GNG4: variants seen among roughly 807,000 people sequenced by gnomAD.
GNG4 encodes the protein guanine nucleotide-binding protein G(I)/G(S)/G(O) subunit gamma-4.
Under a neutral mutation model 5.8 loss-of-function variants are expected in GNG4, and 4 were observed. The ratio of observed to expected loss-of-function variants is 0.69; its 90% confidence interval spans 0.34 to 1.57. The LOEUF is 1.57. Among genes scored for constraint, GNG4 ranks in the 40% most tolerant of loss-of-function variants. The pLI, the probability that GNG4 is intolerant of heterozygous loss-of-function variation, is 0.06. For synonymous variants in GNG4, 29 were observed against 32.9 expected, an observed-to-expected ratio of 0.88 and a Z score of 0.41; for missense variants, 96 against 95.1, an observed-to-expected ratio of 1.01 and a Z score of -0.04.
At chr1:235,562,022 T>C (rs916571048) in intron 3 of GNG4, among the ~76,000 whole-genome samples, 5 of 152,242 alleles carry the variant, frequency 3.3e-5, no homozygotes, top group African/African-American at 1.2e-4. Context: ...ATTTTCTGCA[T>C]GTGGATGTTC....
intron 3 of GNG4, 90 bp from the exon 4 acceptor site, chr1:235,552,327 C>T (rs1367570464): frequency 2.5e-6 from 3 of 1,183,032 alleles, no homozygotes; most frequent in East Asian, 4.8e-5. Context: ...AGGGGACAAG[C>T]CCTAGGGTAG....
intron 1 of GNG4, among the ~76,000 whole-genome samples, chr1:235,613,322 C>A (rs1050092163): frequency 2.0e-5 from 3 of 152,166 alleles, no homozygotes; most frequent in African/African-American, 2.4e-5. Context: ...CAGGGTGAGG[C>A]AGGCAGAATA....
intron 3 of GNG4, among the ~76,000 whole-genome samples, chr1:235,570,603 G>A (rs1335257228): frequency 6.6e-6 from 1 of 151,526 alleles, no homozygotes; most frequent in Non-Finnish European, 1.5e-5. Flanking sequence ...CACTATGTTG[G>A]TCAGGCTGGT....
rs1277187145 is a variant in GNG4 at position 235,548,719 on chromosome 1, TAGGA to T, written c.*3386_*3389del. On this transcript the variant is annotated 3_prime_UTR_variant, in exon 4 of 4. Coordinates refer to ENST00000391854, the MANE Select transcript of GNG4 (RefSeq NM_001098722.2). The stretch of plus-strand genomic sequence containing the variant: ...TATCTAAGGCATGATGTCCCTGCTG[TAGGA>T]AGGGAGGGGAGATGCTGGACAGTTA... 1 of 152,164 alleles carries T rather than the reference TAGGA, an allele frequency of 6.6e-6. No homozygotes were observed. The highest frequency in any genetic ancestry group is 1.5e-5 in the Non-Finnish European group (1 of 68,092). The allele number at this position is 152,164 out of a possible 1,614,324, so 9.4% of individuals were successfully genotyped here.
At chr1:235,573,554 G>T (rs987929269) in intron 3 of GNG4, among the ~76,000 whole-genome samples, 10 of 152,038 alleles carry the variant, frequency 6.6e-5, no homozygotes, top group African/African-American at 2.4e-4. Context: ...GAGGTGGGCG[G>T]ATCACGAAGT....
At chr1:235,578,184 C>T (rs1687532970) in intron 3 of GNG4, among the ~76,000 whole-genome samples, 1 of 151,914 alleles carries the variant, frequency 6.6e-6, no homozygotes, top group Non-Finnish European at 1.5e-5. Flanking sequence ...AAAAAACAGA[C>T]ATCACTAGAT....
chr1:235,645,071 G>T (rs914187158), intron 1 of GNG4, among the ~76,000 whole-genome samples: 3 of 152,172 alleles, frequency 2.0e-5, no homozygotes, highest in African/African-American at 7.2e-5. Flanking sequence ...GGCTCAGCCT[G>T]CAAAGCCAGG....
intron 1 of GNG4, among the ~76,000 whole-genome samples, chr1:235,612,952 G>C (rs888176885): frequency 6.6e-6 from 1 of 152,140 alleles, no homozygotes; most frequent in South Asian, 2.1e-4. Context: ...ACCTCTCACT[G>C]TGTCCTCACA....
At chr1:235,554,570 G>A (rs1686841151) in intron 3 of GNG4, among the ~76,000 whole-genome samples, 1 of 152,128 alleles carries the variant, frequency 6.6e-6, no homozygotes, top group Non-Finnish European at 1.5e-5. Flanking sequence ...TCGGCTGGAC[G>A]CAGTGGCTCA....
At chr1:235,624,128 A>G (rs1571919194) in intron 1 of GNG4, among the ~76,000 whole-genome samples, 1 of 141,300 alleles carries the variant, frequency 7.1e-6, no homozygotes, top group Admixed American at 7.4e-5. Flanking sequence ...TTTGAGACGG[A>G]GTCTCGCTGT....
At position 235,642,811 on chromosome 1, in the gene GNG4, G is replaced by C. The variant is rs901032295; in HGVS notation, c.-123+6851C>G. ...ATCTCGCCCCTGTGGCTTCACCTGG[G>C]TCCAGCCAGACCTCTGCTCAGCTCT... On this transcript the variant is annotated intron_variant, in intron 1 of 3. Coordinates refer to ENST00000391854, the MANE Select transcript of GNG4 (RefSeq NM_001098722.2). The surrounding 1 kb of genome is among the most constrained non-coding windows in gnomAD (Gnocchi z 4.3). 6.6e-6 allele frequency among the ~76,000 whole-genome samples: 1 copy of C among 152,112 alleles called. No individual in the cohort carries two copies. The highest frequency in any genetic ancestry group is 1.5e-5 in the Non-Finnish European group (1 of 68,024).
intron 1 of GNG4, among the ~76,000 whole-genome samples, chr1:235,639,080 C>G (rs1166255937): frequency 1.3e-5 from 2 of 152,250 alleles, no homozygotes; most frequent in Non-Finnish European, 2.9e-5. Flanking sequence ...CCTTCTCTCT[C>G]AGATGCGCCT....
intron 1 of GNG4, among the ~76,000 whole-genome samples, chr1:235,617,176 C>A (rs1688608379): frequency 6.6e-6 from 1 of 152,182 alleles, no homozygotes; most frequent in Non-Finnish European, 1.5e-5. Context: ...GCATCCTGGA[C>A]CTCCGGCTGG....
At chr1:235,554,009 C>T (rs1033462873) in intron 3 of GNG4, among the ~76,000 whole-genome samples, 9 of 152,268 alleles carry the variant, frequency 5.9e-5, no homozygotes, top group South Asian at 2.1e-4. Context: ...GGTTACAGGA[C>T]GCCCATATAG....
chr1:235,568,549 G>C (rs1204047905), intron 3 of GNG4, among the ~76,000 whole-genome samples: 1 of 152,162 alleles, frequency 6.6e-6, no homozygotes, highest in African/African-American at 2.4e-5. Context: ...TTAAACTTCT[G>C]CATAATTGAG....
rs1382471762 is a variant in GNG4 at position 235,564,962 on chromosome 1, C to T, written c.100-12725G>A. Among the ~76,000 whole-genome samples, 4 of 152,298 alleles carry T rather than the reference C, an allele frequency of 2.6e-5. No individual in the cohort carries two copies. In the East Asian group the frequency reaches 5.8e-4, roughly 22 times the overall value. On this transcript the variant is annotated intron_variant, in intron 3 of 3. Transcript: ENST00000391854. The stretch of plus-strand genomic sequence containing the variant: ...CCTCCCAAAATGCTGGGATTACAGG[C>T]GTGAGCCACAGCGCCCAGCCAGTTA...
chr1:235,560,412 G>A (rs1041241108), intron 3 of GNG4, among the ~76,000 whole-genome samples: 4 of 152,018 alleles, frequency 2.6e-5, no homozygotes, highest in South Asian at 4.2e-4. Context: ...TTGCCCTTCC[G>A]CCATCTGCTG....
chr1:235,592,269 G>T (rs1687983942), intron 2 of GNG4, among the ~76,000 whole-genome samples: 1 of 152,172 alleles, frequency 6.6e-6, no homozygotes, highest in Admixed American at 6.5e-5. Context: ...ACTTTGGGAG[G>T]CCGAGGCAGG....
intron 1 of GNG4, among the ~76,000 whole-genome samples, chr1:235,617,423 G>A (rs968544227): frequency 1.3e-5 from 2 of 152,108 alleles, no homozygotes; most frequent in Admixed American, 6.6e-5. Flanking sequence ...ATTGATTTGG[G>A]GGCAGCACCT....
Sources: gnomAD v4.1 joint callset for allele counts (sites outside exome capture counted in the v4.1 genomes callset) on GRCh38, gnomAD v4.1.1 for gene constraint, Gnocchi (gnomAD v3.1) non-coding constraint, MANE v1.5 for transcripts, NCBI Gene and HGNC (gene_info 2026-07-23, HGNC 2026-07-21) for gene names.